Variants in MEGF11 observed in about 807,000 individuals in gnomAD.
The protein encoded by MEGF11 is multiple EGF like domains 11, also known as multiple epidermal growth factor-like domains protein 11.
In MEGF11, 126 loss-of-function variants were observed where a neutral mutation model predicts 146.6. The ratio of observed to expected loss-of-function variants is 0.86; its 90% CI spans 0.74 to 1.00. The LOEUF is 1.00. Among genes scored for constraint, MEGF11 ranks in the 50% least tolerant of loss-of-function variants. The pLI is 0.00. For missense variants in MEGF11, 1,509 were observed against 1,521.2 expected, an observed-to-expected ratio of 0.99 and a Z score of 0.13; for synonymous variants, 532 against 583.4, an observed-to-expected ratio of 0.91 and a Z score of 1.27.
Position 66,062,006 on chromosome 15 carries a change from T to A in MEGF11, c.394+32396A>T, listed in dbSNP as rs531447756. Among the ~76,000 whole-genome samples, 5 of 152,376 alleles carry A rather than the reference T, an allele frequency of 3.3e-5. No individual in the cohort carries two copies. The East Asian group carries it at 9.6e-4, about 29-fold the overall frequency. On this transcript the variant is annotated intron_variant, in intron 5 of 25. Coordinates refer to ENST00000395614, the MANE Select transcript of MEGF11 (RefSeq NM_001385028.1). ...AACTTCTAGGCTCAAGTGATGCTCC[T>A]GCCTTGGCCTCCCAAAAGTGCTGGG...
chr15:66,219,151 A>C (rs1406111507), intron 1 of MEGF11, among the ~76,000 whole-genome samples: 1 of 152,154 alleles, frequency 6.6e-6, no homozygotes, highest in Non-Finnish European at 1.5e-5. Context: ...AATATCTCTT[A>C]GGGCAAAGAG....
chr15:66,074,887 A>AT (rs1431489687), intron 5 of MEGF11, among the ~76,000 whole-genome samples: 1 of 152,170 alleles, frequency 6.6e-6, no homozygotes, highest in African/African-American at 2.4e-5. Context: ...TTTAATTTGC[A>AT]TATCTTTGAT....
At chr15:65,898,490 C>A (rs1484064912) in intron 25 of MEGF11, 1 of 985,192 alleles carries the variant, frequency 1.0e-6, no homozygotes, top group Non-Finnish European at 1.2e-6. Context: ...TTTCCCACCC[C>A]CAGTATTTGT....
In MEGF11 at chr15:65,895,431, TTTC is replaced by T. The variant is rs2078342660; in HGVS notation, c.*2500_*2502del. The T allele has an allele frequency of 6.5e-6, 1 of 152,682 alleles. No individual in the cohort carries two copies. The highest frequency in any genetic ancestry group is 2.4e-5 in the African/African-American group (1 of 41,466). 9.5% of individuals were successfully genotyped at this position (152,682 alleles called of 1,614,324 possible). ...TTAATACCTCTGTACAATAATGGTT[TTTC>T]TTTCATTCATTTTAATTGTACACAT... On this transcript the variant is annotated 3_prime_UTR_variant, in exon 26 of 26. Coordinates refer to ENST00000395614, the MANE Select transcript of MEGF11 (RefSeq NM_001385028.1).
chr15:66,191,857 C>CCT, intron 1 of MEGF11, among the ~76,000 whole-genome samples: 1 of 151,994 alleles, frequency 6.6e-6, no homozygotes, highest in East Asian at 1.9e-4. Flanking sequence ...GGGTGGATCA[C>CCT]AAGGTCAAGA....
chr15:65,955,829 T>TATAAATATATATATATATATATATAA (rs1238611580), intron 10 of MEGF11, among the ~76,000 whole-genome samples: 1 of 103,154 alleles, frequency 9.7e-6, no homozygotes, highest in South Asian at 3.7e-4. Flanking sequence ...TTTAAATATA[T>TATAAATATATATATATATATATATAA]AACATGTAAT....
At position 65,982,682 on chromosome 15, in the gene MEGF11, C is replaced by A. The variant is rs1024080531; in HGVS notation, c.395-194G>T. Among the ~76,000 whole-genome samples the A allele has an allele frequency of 2.0e-4, 30 of 152,306 alleles. No homozygotes were observed. Among genetic ancestry groups the A allele is most frequent in the African/African-American group, 7.0e-4 (29 of 41,554 alleles). ...TTCCACCAAGCCATGCAAATAGTCG[C>A]ACAGGCTAAGAAGGGCAGAGCGTTT... On this transcript the variant is annotated intron_variant, in intron 5 of 25. Coordinates refer to ENST00000395614, the MANE Select transcript of MEGF11 (RefSeq NM_001385028.1). The surrounding 1 kb of genome is among the most constrained non-coding windows in gnomAD (Gnocchi z 5.6).
At chr15:65,922,651 G>A (rs2079214984) in intron 14 of MEGF11, among the ~76,000 whole-genome samples, 172 bp downstream of exon 14, 1 of 152,200 alleles carries the variant, frequency 6.6e-6, no homozygotes, top group African/African-American at 2.4e-5. Flanking sequence ...TTGAGTAGCT[G>A]GGCTGGGCCC....
At chr15:66,103,610 G>C (rs765377476) in intron 4 of MEGF11, among the ~76,000 whole-genome samples, 5 of 152,062 alleles carry the variant, frequency 3.3e-5, no homozygotes, top group Non-Finnish European at 7.4e-5. Context: ...AGGAACATGA[G>C]GAAGAGGAGT....
chr15:66,141,749 G>C (rs990048907), intron 1 of MEGF11, among the ~76,000 whole-genome samples: 10 of 152,174 alleles, frequency 6.6e-5, no homozygotes, highest in African/African-American at 2.2e-4. Context: ...ATGGGCTGCA[G>C]ATGAGGATGC....
Position 65,896,819 on chromosome 15 carries a change from T to A in MEGF11, c.*1115A>T, listed in dbSNP as rs2078367396. On this transcript the variant is annotated 3_prime_UTR_variant, in exon 26 of 26. Transcript: ENST00000395614. ...CTCATGCTGTTTACAGTAACGTTTT[T>A]ACATCACGTTACAGCAACTGGTTAC... The A allele has an allele frequency of 7.2e-5, 11 of 152,260 alleles. No individual in the cohort carries two copies. The highest frequency in any genetic ancestry group is 7.2e-4 in the Admixed American group (11 of 15,282). 9.4% of individuals were successfully genotyped at this position (152,260 alleles called of 1,614,324 possible). A position where few individuals can be genotyped will look rare whatever the true frequency, so the allele number is the denominator to read the frequency against.
At chr15:66,144,279 A>T (rs2089283612) in intron 1 of MEGF11, among the ~76,000 whole-genome samples, 1 of 152,020 alleles carries the variant, frequency 6.6e-6, no homozygotes, top group Non-Finnish European at 1.5e-5. Flanking sequence ...CCCCCAGGTG[A>T]TTCCAATGAG....
chr15:65,899,651 A>G (rs1375885735), intron 24 of MEGF11, among the ~76,000 whole-genome samples: 1 of 152,240 alleles, frequency 6.6e-6, no homozygotes. Flanking sequence ...AGAATAGGGT[A>G]GACTGAAGTG....
intron 10 of MEGF11, among the ~76,000 whole-genome samples, chr15:65,952,316 T>G (rs1286254355): frequency 6.6e-6 from 1 of 152,018 alleles, no homozygotes; most frequent in Non-Finnish European, 1.5e-5. Flanking sequence ...GATTTGAGGT[T>G]TATTTGGTGG....
intron 5 of MEGF11, among the ~76,000 whole-genome samples, chr15:66,047,713 A>G (rs2084269056): frequency 6.6e-6 from 1 of 152,252 alleles, no homozygotes; most frequent in African/African-American, 2.4e-5. Flanking sequence ...AGGGGTTGAC[A>G]GCAGGCAGGA....
At chr15:66,101,612 G>A (rs1191667532) in intron 4 of MEGF11, among the ~76,000 whole-genome samples, 1 of 152,174 alleles carries the variant, frequency 6.6e-6, no homozygotes, top group African/African-American at 2.4e-5. Flanking sequence ...CTATGTCCCA[G>A]CACCTAGCAT....
At chr15:65,981,003 G>C in intron 6 of MEGF11, 105 bp from the exon 7 acceptor site, 2 of 1,371,774 alleles carry the variant, frequency 1.5e-6, no homozygotes, top group Non-Finnish European at 1.9e-6. Context: ...TAATGGATCT[G>C]TATTAGGCAC....
At chr15:66,073,734 G>T (rs1468585090) in intron 5 of MEGF11, among the ~76,000 whole-genome samples, 1 of 152,136 alleles carries the variant, frequency 6.6e-6, no homozygotes, top group African/African-American at 2.4e-5. Context: ...TTCCCTTGCT[G>T]AGCTCCAAAT....
chr15:66,124,085 C>G, intron 2 of MEGF11, 85 bp from the exon 3 acceptor site: 1 of 1,098,664 alleles, frequency 9.1e-7, no homozygotes, highest in Non-Finnish European at 1.4e-6. Context: ...GCCCACAGCC[C>G]TGAGGCCAAG....
Sources: gnomAD v4.1 joint callset for allele counts (sites outside exome capture counted in the v4.1 genomes callset) on GRCh38, gnomAD v4.1.1 for gene constraint, Gnocchi (gnomAD v3.1) non-coding constraint, MANE v1.5 for transcripts, NCBI Gene and HGNC (gene_info 2026-07-23, HGNC 2026-07-21) for gene names.